DEAF1: variants seen among roughly 807,000 people sequenced by gnomAD.
The protein encoded by DEAF1 is DEAF1 transcription factor, also known as deformed epidermal autoregulatory factor 1 homolog.
In DEAF1, 53 loss-of-function variants were observed where a neutral mutation model predicts 58.9. The observed-to-expected ratio is 0.90, with a 90% confidence interval of 0.72 to 1.13. The LOEUF (loss-of-function observed/expected upper bound fraction) is 1.13, where lower values mean the gene tolerates loss of function less well. DEAF1 is among the 50% of genes most tolerant of loss of function. The pLI, the probability that DEAF1 is intolerant of heterozygous loss-of-function variation, is 0.00. For synonymous variants in DEAF1, 385 were observed against 340.4 expected, an observed-to-expected ratio of 1.13 and a Z score of -1.44; for missense variants, 685 against 791.4, an observed-to-expected ratio of 0.87 and a Z score of 1.61.
At position 644,466 on chromosome 11, in the gene DEAF1, CCA is replaced by C; in HGVS notation, c.*82_*83del. ...CCACACCCCTCTTCTCAACGTCCCCCCAGAGTCCTCAGGGGGGCCTTCGACCT... is the reference window on the plus strand; with the variant it reads ...CCACACCCCTCTTCTCAACGTCCCCCGAGTCCTCAGGGGGGCCTTCGACCT... On this transcript the variant is annotated 3_prime_UTR_variant, in exon 12 of 12. Transcript: ENST00000382409. The surrounding 1 kb of genome is among the most constrained non-coding windows in gnomAD (Gnocchi z 4.3). 1 of 1,027,932 alleles carries C rather than the reference CCA, an allele frequency of 9.7e-7. No homozygotes were observed. The highest frequency in any genetic ancestry group is 1.3e-5 in the South Asian group (1 of 75,482). The allele number at this position is 1,027,932 out of a possible 1,614,324, so 63.7% of individuals were successfully genotyped here.
intron 1 of DEAF1, chr11:703,084 G>C (rs1462883161): frequency 2.5e-6 from 4 of 1,612,242 alleles, no homozygotes; most frequent in Non-Finnish European, 3.4e-6. Flanking sequence ...TCAGCGCCAC[G>C]CTCCTGGCCC....
intron 1 of DEAF1, among the ~76,000 whole-genome samples, chr11:700,400 G>A (rs1042729541): frequency 4.6e-5 from 7 of 152,026 alleles, no homozygotes; most frequent in African/African-American, 2.4e-5. Flanking sequence ...GGTGGTGGGC[G>A]CCTGTAGTCC....
chr11:705,649 C>A (rs769887492), intron 1 of DEAF1, among the ~76,000 whole-genome samples: 1 of 152,188 alleles, frequency 6.6e-6, no homozygotes, highest in Admixed American at 6.5e-5. Flanking sequence ...GCCTGACACC[C>A]ACCCACTCAC....
At chr11:697,955 A>G (rs1289375176), upstream of DEAF1, 1 of 152,238 alleles carries the variant, frequency 6.6e-6, no homozygotes, top group African/African-American at 2.4e-5. Flanking sequence ...GGGATCAGCC[A>G]CAAAATCTCA....
chr11:678,367 C>A (rs990182458), intron 9 of DEAF1: 3 of 368,368 alleles, frequency 8.1e-6, no homozygotes, highest in South Asian at 6.5e-5. Flanking sequence ...AGACCTGCCA[C>A]TGGGGAGTGT....
intron 8 of DEAF1, 81 bp downstream of exon 8, chr11:679,607 A>C: frequency 1.3e-6 from 2 of 1,594,536 alleles, no homozygotes; most frequent in East Asian, 2.2e-5. Flanking sequence ...CAGCCTATGC[A>C]GCCCAATGTG....
chr11:694,428 C>T (rs1325067575), intron 1 of DEAF1: 3 of 215,196 alleles, frequency 1.4e-5, no homozygotes, highest in Non-Finnish European at 2.5e-5. Context: ...AGCAGGTGTG[C>T]GAGGCAGGTA....
chr11:649,492 G>A (rs1297748769), intron 11 of DEAF1, among the ~76,000 whole-genome samples: 1 of 151,792 alleles, frequency 6.6e-6, no homozygotes, highest in African/African-American at 2.4e-5. Flanking sequence ...GGCCGAGGCG[G>A]GCGGATCACT....
intron 2 of DEAF1, among the ~76,000 whole-genome samples, chr11:690,627 T>A (rs1860796877): frequency 1.3e-5 from 2 of 151,928 alleles, no homozygotes; most frequent in Non-Finnish European, 2.9e-5. Flanking sequence ...ACGCCTGTAA[T>A]CCCAGCTACT....
chr11:693,502 A>C (rs1011514953), intron 1 of DEAF1: 7 of 152,380 alleles, frequency 4.6e-5, no homozygotes, highest in African/African-American at 1.7e-4. Flanking sequence ...GCACACCAGG[A>C]CTGGGATCCA....
Position 674,663 on chromosome 11 carries a change from A to G in DEAF1, c.1376T>C (p.Met459Thr). ...EPRSWLYLEE[M>T]VNSLLNTAQQ... ...CGCTGTGTTGAGCAAGGAGTTGACC[A>G]TCTCTTCTAGGTACAGCCAGCTCCG... The change falls in exon 10 of 12, where the codon ATG becomes ACG. Residue 459 changes from methionine to threonine, a missense_variant. This residue lies in a region of DEAF1 where 343 missense variants were observed against 379.8 expected (regional missense o/e 0.90). Transcript: ENST00000382409. The G allele has an allele frequency of 6.2e-7, 1 of 1,614,052 alleles. No homozygotes were observed. Among genetic ancestry groups the G allele is most frequent in the Non-Finnish European group, 8.5e-7 (1 of 1,180,032 alleles).
chr11:686,347 A>G (rs1405022569), intron 5 of DEAF1, among the ~76,000 whole-genome samples: 1 of 151,444 alleles, frequency 6.6e-6, no homozygotes, highest in African/African-American at 2.4e-5. Flanking sequence ...TCTCCTTTTC[A>G]CAATGCCATT....
upstream of DEAF1, among the ~76,000 whole-genome samples, chr11:698,438 C>T (rs1366903453): frequency 2.0e-5 from 3 of 152,316 alleles, no homozygotes. Context: ...TCTCATCAAT[C>T]ATGAAAAAAG....
At chr11:690,101 A>G (rs1034139330) in intron 2 of DEAF1, among the ~76,000 whole-genome samples, 1 of 148,084 alleles carries the variant, frequency 6.8e-6, no homozygotes, top group Non-Finnish European at 1.5e-5. Flanking sequence ...CCGAGATGGT[A>G]GCTACCTGAG....
intron 6 of DEAF1, among the ~76,000 whole-genome samples, chr11:683,563 A>G (rs1303535468): frequency 6.6e-6 from 1 of 152,092 alleles, no homozygotes; most frequent in African/African-American, 2.4e-5. Flanking sequence ...TTTTATTTCA[A>G]AACTGTTTTG....
intron 11 of DEAF1, among the ~76,000 whole-genome samples, chr11:649,977 G>A (rs982307941): frequency 5.9e-5 from 9 of 152,130 alleles, no homozygotes; most frequent in African/African-American, 1.7e-4. Context: ...AGTGGGCTGA[G>A]ATCGTGCCAT....
chr11:663,320 T>C (rs1036837881), intron 10 of DEAF1, among the ~76,000 whole-genome samples: 1 of 152,200 alleles, frequency 6.6e-6, no homozygotes, highest in African/African-American at 2.4e-5. Flanking sequence ...TGGTGGCGCG[T>C]GCCTGTAATT....
At chr11:676,705 C>T (rs893558919) in intron 9 of DEAF1, among the ~76,000 whole-genome samples, 8 of 152,050 alleles carry the variant, frequency 5.3e-5, no homozygotes, top group Non-Finnish European at 8.8e-5. Flanking sequence ...GGTTTCTCCA[C>T]GTTGGTCAGG....
chr11:667,016 T>C (rs1364887487), intron 10 of DEAF1, among the ~76,000 whole-genome samples: 4 of 150,348 alleles, frequency 2.7e-5, no homozygotes, highest in African/African-American at 4.9e-5. Context: ...CTGAGAAACA[T>C]AGTGAAACCC....
Sources: allele counts gnomAD v4.1 joint callset (sites outside exome capture counted in the v4.1 genomes callset), GRCh38; gene constraint gnomAD v4.1.1; regional missense constraint gnomAD v4.1.1; non-coding constraint Gnocchi (gnomAD v3.1); transcripts MANE v1.5; gene names NCBI Gene and HGNC (gene_info 2026-07-23, HGNC 2026-07-21).